The following EZH1 variants were observed in gnomAD, a reference collection of about 807,000 sequenced individuals.
EZH1 encodes histone-lysine N-methyltransferase EZH1.
Under a neutral mutation model 100.5 loss-of-function variants are expected in EZH1, and 33 were observed. The observed-to-expected ratio is 0.33, with a 90% CI of 0.25 to 0.44. EZH1 has a LOEUF of 0.44. EZH1 is among the 20% of genes least tolerant of loss of function. EZH1 has a pLI of 1.00. For missense variants in EZH1, 475 were observed against 928.4 expected (o/e 0.51, Z 6.35); for synonymous variants, 272 against 313.8 (o/e 0.87, Z 1.41).
chr17:42,708,368 A>G (rs1011872028), intron 14 of EZH1, among the ~76,000 whole-genome samples: 2 of 152,130 alleles, frequency 1.3e-5, no homozygotes, highest in African/African-American at 4.8e-5. Context: ...GAAAAGTCAC[A>G]TACTGGCCAG....
chr17:42,706,021 G>A lies in EZH1; in HGVS notation c.1825C>T (p.Arg609Cys). Reference sequence around the variant, plus strand: ...AAAGGCCTCACCTTCTTAAGTCCACGCTGGATGCTGCAGTTTTTACAGGAA... The same window carrying A: ...AAAGGCCTCACCTTCTTAAGTCCACACTGGATGCTGCAGTTTTTACAGGAA... ...VVSCKNCSIQ[R>C]GLKKHLLLAP... The change falls in exon 16 of 21, where the codon CGT becomes TGT. Residue 609 changes from arginine (R) to cysteine (C), a missense_variant. This residue lies in a region of EZH1 where 23 missense variants were observed against 31.9 expected (regional missense o/e 0.72). Transcript: ENST00000428826. The surrounding 1 kb of genome is among the most constrained non-coding windows in gnomAD (Gnocchi z 4.4). 2 of 1,613,036 alleles carry A rather than the reference G, an allele frequency of 1.2e-6. No homozygotes were observed. Among genetic ancestry groups the A allele is most frequent in the Non-Finnish European group, 1.7e-6 (2 of 1,179,606 alleles).
rs932794183 is a variant in EZH1 at position 42,701,984 on chromosome 17, G to A, written c.*548C>T. 1.3e-5 allele frequency: 2 copies of A among 152,522 alleles called. No individual in the cohort carries two copies. Among genetic ancestry groups the A allele is most frequent in the Non-Finnish European group, 2.9e-5 (2 of 68,196 alleles). The allele number at this position is 152,522 out of a possible 1,614,324, so 9.4% of individuals were successfully genotyped here. On this transcript the variant is annotated 3_prime_UTR_variant, in exon 21 of 21. Transcript: ENST00000428826. ...GAGCCCTGCCACGAGGGAGGAGGTA[G>A]TAAGGTGACCTGTCTACCTCTGAGT... is the stretch of plus-strand genomic sequence containing the variant.
At chr17:42,713,445 CTCATCATCACAAACTT>C in intron 10 of EZH1, 56 bp from the exon 11 acceptor site, 1 of 1,471,178 alleles carries the variant, frequency 6.8e-7, no homozygotes, top group Non-Finnish European at 9.1e-7. Flanking sequence ...CCATATTGAT[CTCATCATCACAAACTT>C]TCATCTTTAC....
At chr17:42,717,941 GAAGTT>G (rs751978732) in intron 10 of EZH1, 30 bp downstream of exon 10, 6 of 1,592,530 alleles carry the variant, frequency 3.8e-6, no homozygotes, top group Non-Finnish European at 5.2e-6. Context: ...TTCCCAGAAT[GAAGTT>G]AATAATGCCA....
chr17:42,703,865 T>C lies in EZH1; in HGVS notation c.2018-45A>G, dbSNP rs200082258. On this transcript the variant is annotated intron_variant, in intron 18 of 20. Transcript: ENST00000428826. ...GAAAACCATAAGCACAGCAGGCAAT[T>C]CCACAGCTTCTCAGCTTGAATTTAA... The C allele has an allele frequency of 4.9e-4, 648 of 1,322,424 alleles. 2 individuals are homozygous for C. The African/African-American group carries it at 8.0e-3, about 16-fold the overall frequency. 81.9% of individuals were successfully genotyped at this position (1,322,424 alleles called of 1,614,324 possible).
intron 14 of EZH1, 94 bp downstream of exon 14, chr17:42,708,782 A>T (rs1221184872): frequency 7.4e-7 from 1 of 1,348,970 alleles, no homozygotes; most frequent in African/African-American, 1.4e-5. Context: ...GAAGTGGCAC[A>T]GGGTCAACAA....
intron 10 of EZH1, 90 bp from the exon 11 acceptor site, chr17:42,713,479 G>A: frequency 8.3e-7 from 1 of 1,207,394 alleles, no homozygotes; most frequent in Non-Finnish European, 1.1e-6. Flanking sequence ...TACAACATCT[G>A]TCTACAATAA....
chr17:42,708,801 G>T, intron 14 of EZH1, 75 bp downstream of exon 14: 1 of 1,495,164 alleles, frequency 6.7e-7, no homozygotes, highest in South Asian at 1.1e-5. Context: ...AAGTGCAGCT[G>T]GAGGTGGGGT....
At chr17:42,744,276 C>G (rs189928170) in intron 1 of EZH1, among the ~76,000 whole-genome samples, 1 of 152,172 alleles carries the variant, frequency 6.6e-6, no homozygotes, top group African/African-American at 2.4e-5. Flanking sequence ...GTCCCAAATA[C>G]AACACCTTGT....
intron 6 of EZH1, among the ~76,000 whole-genome samples, chr17:42,722,328 T>TA (rs1171363943): frequency 2.8e-4 from 37 of 132,838 alleles, no homozygotes; most frequent in Non-Finnish European, 3.0e-4. Flanking sequence ...AAAAAAAAAA[T>TA]AAAAAAAAAA....
At position 42,718,273 on chromosome 17, in the gene EZH1, T is replaced by A. The variant is rs1017001932; in HGVS notation, c.931+181A>T. ...GAGGGACAGATAAGTTGCTAGTTAGTCTGTCCCTATCATGCAAAGCATGTT... is the reference window on the plus strand; with the variant it reads ...GAGGGACAGATAAGTTGCTAGTTAGACTGTCCCTATCATGCAAAGCATGTT... On this transcript the variant is annotated intron_variant, in intron 9 of 20. Transcript: ENST00000428826. The surrounding 1 kb of genome is among the most constrained non-coding windows in gnomAD (Gnocchi z 4.2). The A allele has an allele frequency of 2.3e-6, 2 of 882,688 alleles. No individual in the cohort carries two copies. Among genetic ancestry groups the A allele is most frequent in the African/African-American group, 3.4e-5 (2 of 59,034 alleles). 54.7% of individuals were successfully genotyped at this position (882,688 alleles called of 1,614,324 possible). A position where few individuals can be genotyped will look rare whatever the true frequency, so the allele number is the denominator to read the frequency against.
intron 5 of EZH1, among the ~76,000 whole-genome samples, chr17:42,723,858 C>G (rs1436883333): frequency 2.0e-5 from 3 of 152,136 alleles, no homozygotes; most frequent in African/African-American, 7.2e-5. Context: ...GGAGTCAGCA[C>G]AAAGGCCCAG....
rs1159977413 is a variant in EZH1, at chr17:42,705,108, T to C, written c.1915A>G (p.Ile639Val). ...IKESVQKNEFISEYCGELISQ... is the reference protein window; with the variant it reads ...IKESVQKNEFVSEYCGELISQ... ...CTCACCTCACCACAGTATTCAGAAA[T>C]GAATTCGTTCTTCTGCACAGACTCC... Residue 639 changes from isoleucine to valine, a missense_variant, in exon 17 of 21, where the codon ATT (isoleucine) becomes GTT (valine). By Grantham distance (29) the Ile-to-Val change is conservative (BLOSUM62 3). This residue lies in a region of EZH1 where 49 missense variants were observed against 164.2 expected (regional missense o/e 0.30). Coordinates refer to ENST00000428826, the MANE Select transcript of EZH1 (RefSeq NM_001991.5). 6.2e-7 allele frequency: 1 copy of C among 1,613,434 alleles called. No homozygotes were observed. Among genetic ancestry groups the C allele is most frequent in the African/African-American group, 1.3e-5 (1 of 74,864 alleles).
At chr17:42,714,982 T>C (rs2053568270) in intron 10 of EZH1, among the ~76,000 whole-genome samples, 2 of 139,148 alleles carry the variant, frequency 1.4e-5, no homozygotes, top group Non-Finnish European at 3.1e-5. Flanking sequence ...TTTATATAAA[T>C]ATATTTATAT....
chr17:42,739,744 C>T (rs1005539302), intron 1 of EZH1, among the ~76,000 whole-genome samples: 7 of 151,592 alleles, frequency 4.6e-5, no homozygotes, highest in African/African-American at 1.7e-4. Flanking sequence ...AAAATTAGAT[C>T]GTATGCACTG....
chr17:42,723,104 T>C (rs2053747529), intron 5 of EZH1, among the ~76,000 whole-genome samples, 189 bp from the exon 6 acceptor site: 1 of 152,136 alleles, frequency 6.6e-6, no homozygotes, highest in Admixed American at 6.5e-5. Context: ...GGGCCAAGTG[T>C]GGTGGCTCAC....
In EZH1 at chr17:42,708,187, A is replaced by G. The variant is rs2053400395; in HGVS notation, c.1535-104T>C. 7 of 1,370,390 alleles carry G rather than the reference A, an allele frequency of 5.1e-6. No homozygotes were observed. In the East Asian group the frequency reaches 1.7e-4, roughly 32 times the overall value. The allele number at this position is 1,370,390 out of a possible 1,614,324, so 84.9% of individuals were successfully genotyped here. On this transcript the variant is annotated intron_variant, in intron 14 of 20. Transcript: ENST00000428826. The stretch of plus-strand genomic sequence containing the variant: ...GATTCAGAGGAGGCTGGTCCTAACA[A>G]TCTCCTTGGACACACATTTAGCACC...
At chr17:42,709,014 G>A in intron 13 of EZH1, 98 bp from the exon 14 acceptor site, 7 of 1,358,844 alleles carry the variant, frequency 5.2e-6, no homozygotes, top group Non-Finnish European at 7.3e-6. Context: ...GACTGTGTTT[G>A]ATGACTGGGG....
intron 17 of EZH1, 47 bp from the exon 18 acceptor site, chr17:42,704,730 C>T (rs1403177637): frequency 6.6e-7 from 1 of 1,512,798 alleles, no homozygotes; most frequent in Non-Finnish European, 9.1e-7. Flanking sequence ...GCTGCCTGCT[C>T]AGGGCATGGT....
Sources: gnomAD v4.1 joint callset for allele counts (sites outside exome capture counted in the v4.1 genomes callset) on GRCh38, gnomAD v4.1.1 for gene constraint, gnomAD v4.1.1 regional missense constraint, Gnocchi (gnomAD v3.1) non-coding constraint, MANE v1.5 for transcripts, NCBI Gene and HGNC (gene_info 2026-07-23, HGNC 2026-07-21) for gene names.